Variants in NLRX1 observed in about 807,000 individuals in gnomAD.
NLRX1 encodes NLR family member X1.
NLRX1 carries 67 observed loss-of-function variants against 74.2 expected under a neutral mutation model. The ratio of observed to expected loss-of-function variants is 0.90; its 90% confidence interval spans 0.74 to 1.11. The LOEUF (loss-of-function observed/expected upper bound fraction) is 1.11, where lower values mean the gene tolerates loss of function less well. NLRX1 is among the 50% of genes least tolerant of loss of function. NLRX1 has a pLI of 0.00. For synonymous variants in NLRX1, 506 were observed against 559.1 expected (o/e 0.91, Z 1.34); for missense variants, 1,191 against 1,305.4 (o/e 0.91, Z 1.35).
chr11:119,180,120 A>G lies in NLRX1; in HGVS notation c.2099A>G (p.Gln700Arg), dbSNP rs759221055. ...GCTGAGGTGCTCAGCTCCCTGCGTC[A>G]GCTCAACCTGGCAGGTGTGCGCATG... ...FSAEVLSSLRQLNLAGVRMTP... is the reference protein window; with the variant it reads ...FSAEVLSSLRRLNLAGVRMTP... The change falls in exon 7 of 10, where the codon CAG becomes CGG. Residue 700 changes from glutamine to arginine, a missense_variant. Coordinates refer to ENST00000409109, the MANE Select transcript of NLRX1 (RefSeq NM_001282144.2). 2 of 1,613,322 alleles carry G rather than the reference A, an allele frequency of 1.2e-6. No homozygotes were observed. Among genetic ancestry groups the G allele is most frequent in the Non-Finnish European group, 1.7e-6 (2 of 1,179,558 alleles).
At position 119,171,421 on chromosome 11, in the gene NLRX1, T is replaced by G. The variant is rs759952818; in HGVS notation, c.18T>G (p.His6Gln). The change falls in exon 2 of 10, where the codon CAT becomes CAG. Residue 6 changes from histidine to glutamine, a missense_variant. Physicochemically the swap from His to Gln is conservative, Grantham distance 24. Transcript: ENST00000409109. ...TTCCCAGGATGAGGTGGGGCCACCATTTGCCCAGGGCCTCTTGGGGCTCTG... is the reference window on the plus strand; with the variant it reads ...TTCCCAGGATGAGGTGGGGCCACCAGTTGCCCAGGGCCTCTTGGGGCTCTG... MRWGH[H>Q]LPRASWGSGF... 1 of 1,613,940 alleles carries G rather than the reference T, an allele frequency of 6.2e-7. No homozygotes were observed. The highest frequency in any genetic ancestry group is 1.7e-5 in the Admixed American group (1 of 60,020).
intron 8 of NLRX1, among the ~76,000 whole-genome samples, chr11:119,181,805 G>A (rs1948842869): frequency 6.6e-6 from 1 of 152,166 alleles, no homozygotes; most frequent in Admixed American, 6.5e-5. Context: ...AACGGAAATG[G>A]TGAAAAGGAA....
Position 119,172,416 on chromosome 11 carries a change from G to A in NLRX1, c.131G>A (p.Gly44Glu), listed in dbSNP as rs752419860. 36 of 1,612,548 alleles carry A rather than the reference G, an allele frequency of 2.2e-5. No individual in the cohort carries two copies. Among genetic ancestry groups the A allele is most frequent in the Non-Finnish European group, 7.6e-6 (9 of 1,178,726 alleles). ...SWPLQGERPF[G>E]PPRAFIRHHG... ...CCCCTTCAAGGGGAGCGTCCCTTTG[G>A]GCCCCCTAGGTGAGGCCTGGGTGTC... Residue 44 changes from glycine (G) to glutamate (E), a missense_variant, in exon 3 of 10, where the codon GGG (glycine) becomes GAG (glutamate). Transcript: ENST00000409109.
Position 119,180,086 on chromosome 11 carries a change from C to A in NLRX1, c.2065C>A (p.Arg689Ser), listed in dbSNP as rs779060004. ...LFFHYEFQNQ[R>S]FSAEVLSSLR... is the part of the protein sequence containing the mutation. ...CTTCCACTATGAGTTCCAGAACCAG[C>A]GCTTCTCCGCTGAGGTGCTCAGCTC... Residue 689 changes from arginine to serine, a missense_variant, in exon 7 of 10, where the codon CGC (arginine) becomes AGC (serine). Arg to Ser is a moderately radical substitution (Grantham distance 110). Coordinates refer to ENST00000409109, the MANE Select transcript of NLRX1 (RefSeq NM_001282144.2). 37 of 1,613,566 alleles carry A rather than the reference C, an allele frequency of 2.3e-5. No individual in the cohort carries two copies. Among genetic ancestry groups the A allele is most frequent in the Non-Finnish European group, 3.1e-5 (37 of 1,179,956 alleles).
intron 2 of NLRX1, 89 bp from the exon 3 acceptor site, chr11:119,172,267 T>G: frequency 8.1e-5 from 80 of 993,132 alleles, no homozygotes; most frequent in Non-Finnish European, 1.2e-4. Context: ...CATGCTGCTA[T>G]GAGAGCAAAT....
rs1358477106 is a variant in NLRX1, at chr11:119,168,934, C to G, written c.-417C>G. On this transcript the variant is annotated 5_prime_UTR_variant, in exon 1 of 10. Transcript: ENST00000409109. Reference sequence around the variant, plus strand: ...CAGGCGGGCGGAGGTGGGCAGGAAGCGCCACGCCGAGGAGCCGGGGACTCT... The same window carrying G: ...CAGGCGGGCGGAGGTGGGCAGGAAGGGCCACGCCGAGGAGCCGGGGACTCT... The G allele has an allele frequency of 6.6e-6, 1 of 152,290 alleles. No homozygotes were observed. The highest frequency in any genetic ancestry group is 1.5e-5 in the Non-Finnish European group (1 of 68,110). The allele number at this position is 152,290 out of a possible 1,614,324, so 9.4% of individuals were successfully genotyped here.
At chr11:119,171,653 A>AATAAGGGAG (rs1227117137) in intron 2 of NLRX1, among the ~76,000 whole-genome samples, 180 bp downstream of exon 2, 3 of 151,984 alleles carry the variant, frequency 2.0e-5, no homozygotes, top group African/African-American at 7.3e-5. Flanking sequence ...CCCAACCTAA[A>AATAAGGGAG]ATAAGGGAGT....
At position 119,179,714 on chromosome 11, in the gene NLRX1, C is replaced by T. The variant is rs746745817; in HGVS notation, c.1693C>T (p.Arg565Cys). The T allele has an allele frequency of 9.3e-5, 150 of 1,606,298 alleles. No homozygotes were observed. The highest frequency in any genetic ancestry group is 1.1e-4 in the Non-Finnish European group (135 of 1,174,950). Residue 565 changes from arginine to cysteine, a missense_variant, in exon 7 of 10, where the codon CGC (arginine) becomes TGC (cysteine). Physicochemically the swap from Arg to Cys is radical, Grantham distance 180. Coordinates refer to ENST00000409109, the MANE Select transcript of NLRX1 (RefSeq NM_001282144.2). ...TCAGGTGGTTCCACGAGTGTTTGGG[C>T]GCATGGTGGGTAAAAGCCGGGAGGC... is the stretch of plus-strand genomic sequence containing the variant. ...LIKVVPRVFG[R>C]MVGKSREAVA...
In NLRX1 at chr11:119,175,015, G is replaced by C. The variant is rs780487412; in HGVS notation, c.1412G>C (p.Arg471Pro). The C allele has an allele frequency of 6.2e-7, 1 of 1,614,084 alleles. No homozygotes were observed. Among genetic ancestry groups the C allele is most frequent in the African/African-American group, 1.3e-5 (1 of 75,058 alleles). Residue 471 changes from arginine to proline, a missense_variant, in exon 6 of 10, where the codon CGG (arginine) becomes CCG (proline). Coordinates refer to ENST00000409109, the MANE Select transcript of NLRX1 (RefSeq NM_001282144.2). ...TTTCAGCTGCTGCACATCTTCCGTC[G>C]GGATGCCCTGAGGTTTTTCCTGGCC... ...EEFQLLHIFR[R>P]DALRFFLAPC...
Position 119,172,585 on chromosome 11 carries a change from G to A in NLRX1, c.140+160G>A, listed in dbSNP as rs543104083. ...TGGCAGCTCCAAGGCCTGAGAGGAA[G>A]TTGGCTTAGATCATCTGTGGTAGAA... is the stretch of plus-strand genomic sequence containing the variant. On this transcript the variant is annotated intron_variant, in intron 3 of 9. Transcript: ENST00000409109. 6.6e-5 allele frequency among the ~76,000 whole-genome samples: 10 copies of A among 152,312 alleles called. No homozygotes were observed. The South Asian group carries it at 2.1e-3, about 32-fold the overall frequency.
In NLRX1 at chr11:119,171,395, T is replaced by C. The variant is rs769201121; in HGVS notation, c.-9T>C. On this transcript the variant is annotated 5_prime_UTR_variant, in exon 2 of 10. Transcript: ENST00000409109. ...CTAGGCCCCCCAGGCTCTGACCTTC[T>C]TTCCCAGGATGAGGTGGGGCCACCA... The C allele has an allele frequency of 1.9e-6, 3 of 1,613,642 alleles. No individual in the cohort carries two copies. The South Asian group carries it at 3.3e-5, about 18-fold the overall frequency.
Position 119,182,751 on chromosome 11 carries a change from G to A in NLRX1, c.2607-367G>A, listed in dbSNP as rs573702800. 3.9e-5 allele frequency among the ~76,000 whole-genome samples: 6 copies of A among 152,062 alleles called. No homozygotes were observed. The South Asian group carries it at 1.2e-3, about 32-fold the overall frequency. On this transcript the variant is annotated intron_variant, in intron 9 of 9. Transcript: ENST00000409109. The stretch of plus-strand genomic sequence containing the variant: ...AAAATACAAAAATTATCTGGGTGTG[G>A]TGGTGCGCACCTGTAATCCCAGCTA...
At position 119,179,915 on chromosome 11, in the gene NLRX1, T is replaced by TCTGCCCA; in HGVS notation, c.1896_1902dup (p.Asn635CysfsTer45). 6.2e-7 allele frequency: 1 copy of TCTGCCCA among 1,611,714 alleles called. No individual in the cohort carries two copies. The highest frequency in any genetic ancestry group is 8.5e-7 in the Non-Finnish European group (1 of 1,178,250). ...CCCCATGTTCATGGGGGGGCTTCTCTCTGCCCACAACCGAGCTGTGCTAGC... is the reference window on the plus strand; with the variant it reads ...CCCCATGTTCATGGGGGGGCTTCTCTCTGCCCACTGCCCACAACCGAGCTGTGCTAGC... On this transcript the variant is annotated frameshift_variant, in exon 7 of 10. Transcript: ENST00000409109. LOFTEE classifies it high-confidence loss of function.
At chr11:119,175,827 T>C (rs543697154) in intron 6 of NLRX1, among the ~76,000 whole-genome samples, 2 of 152,296 alleles carry the variant, frequency 1.3e-5, no homozygotes, top group African/African-American at 4.8e-5. Flanking sequence ...ATTACAGACC[T>C]GAGGACTGTG....
chr11:119,174,008 G>C lies in NLRX1; in HGVS notation c.759G>C (p.Leu253=). The part of the protein sequence containing the change: ...GLEHLNLDFR[L]AGTGLCSDPE... The stretch of plus-strand genomic sequence containing the variant: ...AGCATCTCAACCTCGACTTCCGGCT[G>C]GCAGGCACGGGACTTTGTAGTGACC... The change falls in exon 5 of 10, where the codon CTG becomes CTC. Residue 253 remains leucine (L), a synonymous_variant. Coordinates refer to ENST00000409109, the MANE Select transcript of NLRX1 (RefSeq NM_001282144.2). The C allele has an allele frequency of 6.2e-7, 1 of 1,614,182 alleles. No individual in the cohort carries two copies. The highest frequency in any genetic ancestry group is 8.5e-7 in the Non-Finnish European group (1 of 1,180,030).
chr11:119,180,014 C>G lies in NLRX1; in HGVS notation c.1993C>G (p.Leu665Val). 6.2e-7 allele frequency: 1 copy of G among 1,613,718 alleles called. No homozygotes were observed. Among genetic ancestry groups the G allele is most frequent in the Non-Finnish European group, 8.5e-7 (1 of 1,180,000 alleles). The change falls in exon 7 of 10, where the codon CTG becomes GTG. Residue 665 changes from leucine to valine, a missense_variant. Physicochemically the swap from Leu to Val is conservative, Grantham distance 32 (BLOSUM62 1). Transcript: ENST00000409109. The part of the protein sequence containing the change: ...AQAIKKKLGK[L>V]GRQVLPPSEL... ...GGCCATCAAGAAGAAGCTGGGCAAG[C>G]TGGGCCGGCAGGTGCTGCCCCCATC...
intron 7 of NLRX1, 139 bp downstream of exon 7, chr11:119,180,427 G>A (rs1948807613): frequency 2.4e-5 from 17 of 707,866 alleles, no homozygotes; most frequent in East Asian, 1.1e-4. Flanking sequence ...TTTAGGGGCC[G>A]GGAGCAGTGG....
At chr11:119,172,640 G>C (rs1460573095) in intron 3 of NLRX1, among the ~76,000 whole-genome samples, 2 of 152,184 alleles carry the variant, frequency 1.3e-5, no homozygotes, top group African/African-American at 4.8e-5. Flanking sequence ...GGAGGACCCT[G>C]TGGGAAGTGG....
chr11:119,174,223 C>G, intron 5 of NLRX1, 125 bp downstream of exon 5: 1 of 1,268,184 alleles, frequency 7.9e-7, no homozygotes, highest in Non-Finnish European at 1.1e-6. Flanking sequence ...CAGTAACTTC[C>G]CCAGCCTTCT....
Sources: gnomAD v4.1 joint callset for allele counts (sites outside exome capture counted in the v4.1 genomes callset) on GRCh38, gnomAD v4.1.1 for gene constraint, MANE v1.5 for transcripts, NCBI Gene and HGNC (gene_info 2026-07-23, HGNC 2026-07-21) for gene names.